Variants in TBXAS1 observed in about 807,000 individuals in gnomAD.
TBXAS1 encodes the protein thromboxane-A synthase.
Under a neutral mutation model 60.7 loss-of-function variants are expected in TBXAS1, and 48 were observed. That is an observed-to-expected ratio of 0.79 (90% confidence interval 0.63 to 1.01). The LOEUF is 1.01. TBXAS1 is among the 50% of genes least tolerant of loss of function. The probability of loss-of-function intolerance (pLI) is 0.00; values close to 1 mark genes in which losing one functional copy is unlikely to be tolerated. For missense variants in TBXAS1, 685 were observed against 686.3 expected (o/e 1.00, Z 0.02); for synonymous variants, 287 against 269.7 (o/e 1.06, Z -0.63).
chr7:139,812,118 T>G (rs1334018264), intron 4 of TBXAS1, among the ~76,000 whole-genome samples: 1 of 152,218 alleles, frequency 6.6e-6, no homozygotes, highest in Non-Finnish European at 1.5e-5. Context: ...TTGCCGTCCT[T>G]GAAAAGCAGC....
At chr7:139,931,092 T>C (rs73734160) in intron 4 of TBXAS1, among the ~76,000 whole-genome samples, 8,171 of 151,892 alleles carry the variant, frequency 0.054, 513 homozygotes, top group African/African-American at 0.15. Context: ...CATACACACA[T>C]ACACACACAT....
chr7:139,867,182 G>A (rs940454873), intron 1 of TBXAS1, among the ~76,000 whole-genome samples: 1 of 151,846 alleles, frequency 6.6e-6, no homozygotes, highest in African/African-American at 2.4e-5. Context: ...CCTGTTCTTG[G>A]AGCATCACAA....
intron 1 of TBXAS1, among the ~76,000 whole-genome samples, chr7:139,848,733 C>A (rs1384443870): frequency 6.6e-6 from 1 of 152,214 alleles, no homozygotes; most frequent in Admixed American, 6.5e-5. Context: ...TGCCCACATT[C>A]TATTGGCTAA....
In TBXAS1 at chr7:139,936,218, G is replaced by A. The variant is rs1584893778; in HGVS notation, c.361G>A (p.Ala121Thr). 1 of 1,614,242 alleles carries A rather than the reference G, an allele frequency of 6.2e-7. No homozygotes were observed. Among genetic ancestry groups the A allele is most frequent in the East Asian group, 2.2e-5 (1 of 44,892 alleles). Reference sequence around the variant, plus strand: ...GTCGGGTTTGGAGTTCAAGTCGGTAGCCGACAGCGTTCTGTTTTTACGTGA... The same window carrying A: ...GTCGGGTTTGGAGTTCAAGTCGGTAACCGACAGCGTTCTGTTTTTACGTGA... ...MASGLEFKSV[A>T]DSVLFLRDKR... Residue 121 changes from alanine to threonine, a missense_variant, in exon 5 of 13, where the codon GCC becomes ACC. Physicochemically the swap from Ala to Thr is moderately conservative, Grantham distance 58. Transcript: ENST00000448866.
rs116451979 is a variant in TBXAS1, at chr7:139,887,168, A to G, written c.236+11531A>G. 4.5e-3 allele frequency among the ~76,000 whole-genome samples: 682 copies of G among 152,122 alleles called. 6 individuals are homozygous for G. The highest frequency in any genetic ancestry group is 0.016 in the African/African-American group (650 of 41,490). On this transcript the variant is annotated intron_variant, in intron 3 of 12. Transcript: ENST00000448866. ...GCCAGCAGGAGGAACACTGTGACCCATGGTTTCAGAATTGATGGTCTCCCA... is the reference window on the plus strand; with the variant it reads ...GCCAGCAGGAGGAACACTGTGACCCGTGGTTTCAGAATTGATGGTCTCCCA...
chr7:139,875,937 G>T (rs972671982), intron 3 of TBXAS1: 11 of 452,924 alleles, frequency 2.4e-5, no homozygotes, highest in Admixed American at 2.4e-4. Flanking sequence ...GAGGGGTGTT[G>T]CCACGGGATG....
At chr7:139,996,093 C>T (rs550858276) in intron 9 of TBXAS1, among the ~76,000 whole-genome samples, 6 of 151,986 alleles carry the variant, frequency 3.9e-5, no homozygotes, top group Admixed American at 2.6e-4. Flanking sequence ...CTCGGCCTCC[C>T]GAGTAGCTGG....
chr7:139,893,684 C>A (rs1028875233), intron 3 of TBXAS1, among the ~76,000 whole-genome samples: 3 of 152,100 alleles, frequency 2.0e-5, no homozygotes, highest in African/African-American at 7.2e-5. Flanking sequence ...CTTCAGTGTC[C>A]TTCAGGATTT....
chr7:139,838,723 G>A (rs12534299), intron 1 of TBXAS1, among the ~76,000 whole-genome samples: 104,201 of 152,056 alleles, frequency 0.69, 37,546 homozygotes, highest in East Asian at 0.92. Context: ...TCGTTTTCCC[G>A]AAACCGCGTT....
intron 3 of TBXAS1, among the ~76,000 whole-genome samples, chr7:139,879,874 G>GTGTT: frequency 8.0e-6 from 1 of 125,706 alleles, no homozygotes; most frequent in Non-Finnish European, 1.7e-5. Flanking sequence ...GTGTGTGTGT[G>GTGTT]TGTGTTTTGT....
At chr7:139,835,160 G>A (rs1428640096) in intron 1 of TBXAS1, among the ~76,000 whole-genome samples, 3 of 151,288 alleles carry the variant, frequency 2.0e-5, no homozygotes, top group African/African-American at 4.9e-5. Context: ...TCTGCCTCCC[G>A]GGTTCATGCC....
chr7:139,994,657 G>A (rs1813167296), intron 9 of TBXAS1, among the ~76,000 whole-genome samples: 1 of 146,810 alleles, frequency 6.8e-6, no homozygotes, highest in African/African-American at 2.5e-5. Context: ...CATCACAGTG[G>A]AGATCTCTTT....
intron 1 of TBXAS1, among the ~76,000 whole-genome samples, chr7:139,859,442 G>A (rs1034787300): frequency 2.0e-5 from 3 of 150,762 alleles, no homozygotes; most frequent in African/African-American, 4.9e-5. Flanking sequence ...TTCTTACCTC[G>A]TGATCCGCCC....
chr7:140,012,269 T>A (rs1204091624), intron 10 of TBXAS1, among the ~76,000 whole-genome samples: 2 of 152,214 alleles, frequency 1.3e-5, no homozygotes, highest in East Asian at 3.9e-4. Context: ...GTGAGCCAGA[T>A]CTGTTGGAGT....
At chr7:139,857,629 C>T (rs1800670258) in intron 1 of TBXAS1, among the ~76,000 whole-genome samples, 1 of 152,068 alleles carries the variant, frequency 6.6e-6, no homozygotes, top group Admixed American at 6.5e-5. Flanking sequence ...TTTGCTGTAC[C>T]TTCATCATTC....
intron 5 of TBXAS1, among the ~76,000 whole-genome samples, chr7:139,948,080 G>C (rs994442127): frequency 1.1e-4 from 16 of 152,244 alleles, no homozygotes; most frequent in African/African-American, 2.9e-4. Flanking sequence ...GACCAGGCTA[G>C]TCTTGAACTC....
rs368448791 is a variant in TBXAS1 at position 139,987,442 on chromosome 7, G to T, written c.1135-19649G>T. Among the ~76,000 whole-genome samples, 4 of 152,264 alleles carry T rather than the reference G, an allele frequency of 2.6e-5. No homozygotes were observed. The East Asian group carries it at 5.8e-4, about 22-fold the overall frequency. The stretch of plus-strand genomic sequence containing the variant: ...GAGTGTGCTCTGGCTAAGACTGGCC[G>T]ACAGCTCTGTTCCCCTGGGGTGGGG... On this transcript the variant is annotated intron_variant, in intron 9 of 12. Coordinates refer to ENST00000448866, the MANE Select transcript of TBXAS1 (RefSeq NM_001061.7).
chr7:139,829,686 G>C (rs562619563), intron 1 of TBXAS1, among the ~76,000 whole-genome samples: 1 of 152,266 alleles, frequency 6.6e-6, no homozygotes, highest in African/African-American at 2.4e-5. Context: ...AGGAAAGGCT[G>C]GTGATTCAGT....
chr7:139,779,907 G>A (rs539934948), intron 1 of TBXAS1, among the ~76,000 whole-genome samples: 1 of 152,242 alleles, frequency 6.6e-6, no homozygotes, highest in African/African-American at 2.4e-5. Flanking sequence ...CTTTGCCCAA[G>A]CGGTCACTTT....
Sources: gnomAD v4.1 joint callset for allele counts (sites outside exome capture counted in the v4.1 genomes callset) on GRCh38, gnomAD v4.1.1 for gene constraint, MANE v1.5 for transcripts, NCBI Gene and HGNC (gene_info 2026-07-23, HGNC 2026-07-21) for gene names.